Variants in MTOR observed in about 807,000 individuals in gnomAD.
The protein encoded by MTOR is mechanistic target of rapamycin kinase, also known as serine/threonine-protein kinase mTOR.
MTOR carries 70 observed loss-of-function variants against 319.8 expected under a neutral mutation model. That is an observed-to-expected ratio of 0.22 (90% CI 0.18 to 0.27). The LOEUF (loss-of-function observed/expected upper bound fraction) is 0.27. Among genes scored for constraint, MTOR ranks in the 10% least tolerant of loss-of-function variants. The probability of loss-of-function intolerance (pLI) is 1.00; values close to 1 mark genes in which losing one functional copy is unlikely to be tolerated. For missense variants in MTOR, 1,890 were observed against 3,274.4 expected, an observed-to-expected ratio of 0.58 and a Z score of 10.32; for synonymous variants, 1,183 against 1,211.4, an observed-to-expected ratio of 0.98 and a Z score of 0.49.
At chr1:11,241,472 T>A in intron 10 of MTOR, 81 bp downstream of exon 10, 2 of 1,498,680 alleles carry the variant, frequency 1.3e-6, no homozygotes, top group Non-Finnish European at 1.8e-6. Flanking sequence ...CAAACAACCA[T>A]GCCTCATTCT....
chr1:11,232,869 C>T, intron 15 of MTOR: 1 of 529,192 alleles, frequency 1.9e-6, no homozygotes, highest in Non-Finnish European at 3.3e-6. Context: ...GAAACTGTCT[C>T]AAAAACAAAT....
chr1:11,247,986 T>C lies in MTOR; in HGVS notation c.949A>G (p.Thr317Ala). ...TGGGGCTGTACAGCCTGGAAACTGG[T>C]GAAGGGGGTAATGTGACGAGGTTTT... ...GTKPRHITPF[T>A]SFQAVQPQQS... The change falls in exon 7 of 58, where the codon ACC (threonine) becomes GCC (alanine). Residue 317 changes from threonine to alanine, a missense_variant. Thr to Ala is a moderately conservative substitution (Grantham distance 58). This residue lies in a region of MTOR where 418 missense variants were observed against 543.1 expected (regional missense o/e 0.77). Coordinates refer to ENST00000361445, the MANE Select transcript of MTOR (RefSeq NM_004958.4). 6.2e-7 allele frequency: 1 copy of C among 1,614,018 alleles called. No homozygotes were observed. Among genetic ancestry groups the C allele is most frequent in the Non-Finnish European group, 8.5e-7 (1 of 1,179,994 alleles).
intron 26 of MTOR, among the ~76,000 whole-genome samples, chr1:11,200,213 C>G (rs1313999032): frequency 6.6e-6 from 1 of 152,116 alleles, no homozygotes; most frequent in African/African-American, 2.4e-5. Flanking sequence ...GTTTCTGGGA[C>G]AATGTCTAAA....
chr1:11,129,024 G>C lies in MTOR; in HGVS notation c.5715-73C>G. On this transcript the variant is annotated intron_variant, in intron 40 of 57. Coordinates refer to ENST00000361445, the MANE Select transcript of MTOR (RefSeq NM_004958.4). The surrounding 1 kb of genome is among the most constrained non-coding windows in gnomAD (Gnocchi z 4.7). ...TGCCTGCCTGTTTTTCATCTCTAAG[G>C]CTCCTGAGAAGAGAGCTGGCAGGGA... The C allele has an allele frequency of 7.8e-7, 1 of 1,288,204 alleles. No individual in the cohort carries two copies. Among genetic ancestry groups the C allele is most frequent in the Non-Finnish European group, 1.1e-6 (1 of 907,808 alleles). 79.8% of individuals were successfully genotyped at this position (1,288,204 alleles called of 1,614,324 possible).
At chr1:11,251,767 C>T (rs1387843674) in intron 6 of MTOR, among the ~76,000 whole-genome samples, 2 of 149,616 alleles carry the variant, frequency 1.3e-5, no homozygotes, top group Admixed American at 6.7e-5. Context: ...GATTGGATTA[C>T]AGGCATGAGC....
intron 13 of MTOR, among the ~76,000 whole-genome samples, chr1:11,235,235 A>C (rs1196885485): frequency 6.6e-6 from 1 of 152,202 alleles, no homozygotes; most frequent in African/African-American, 2.4e-5. Context: ...GGGCCAATCC[A>C]AAGAACCCCA....
intron 29 of MTOR, among the ~76,000 whole-genome samples, chr1:11,161,386 G>A (rs543546944): frequency 2.0e-5 from 3 of 152,358 alleles, no homozygotes; most frequent in Non-Finnish European, 2.9e-5. Flanking sequence ...AAAGGCAGCA[G>A]AAACTGCTGC....
At position 11,249,310 on chromosome 1, in the gene MTOR, C is replaced by T. The variant is rs375544232; in HGVS notation, c.841-1216G>A. ...GATACAAGTTTTCCAAACTTCTAAA[C>T]TTTTCTTGACACACATATTTTCACT... is the stretch of plus-strand genomic sequence containing the variant. On this transcript the variant is annotated intron_variant, in intron 6 of 57. Transcript: ENST00000361445. 6.5e-4 allele frequency among the ~76,000 whole-genome samples: 99 copies of T among 152,158 alleles called. 1 individual carries two copies. In the South Asian group the frequency reaches 0.02, roughly 31 times the overall value.
chr1:11,184,866 C>T (rs1208282657), intron 28 of MTOR, among the ~76,000 whole-genome samples: 6 of 152,170 alleles, frequency 3.9e-5, no homozygotes, highest in African/African-American at 1.2e-4. Flanking sequence ...GGATCAGTCC[C>T]GCTCCTCACC....
At chr1:11,235,610 C>T (rs1266073340) in intron 13 of MTOR, among the ~76,000 whole-genome samples, 1 of 152,102 alleles carries the variant, frequency 6.6e-6, no homozygotes, top group African/African-American at 2.4e-5. Flanking sequence ...AAATTCAGTA[C>T]ATAAATTCAT....
chr1:11,229,391 C>T (rs2100859671), intron 18 of MTOR, among the ~76,000 whole-genome samples: 2 of 152,266 alleles, frequency 1.3e-5, no homozygotes, highest in South Asian at 2.1e-4. Flanking sequence ...AGGACTCTGA[C>T]GGTGGCAGCG....
chr1:11,237,375 G>C (rs540789178), intron 13 of MTOR, among the ~76,000 whole-genome samples: 1 of 152,262 alleles, frequency 6.6e-6, no homozygotes, highest in South Asian at 2.1e-4. Flanking sequence ...CAGGATCACA[G>C]ACTGGAGCAA....
intron 29 of MTOR, among the ~76,000 whole-genome samples, chr1:11,158,958 C>T (rs1644395095): frequency 6.6e-6 from 1 of 152,348 alleles, no homozygotes; most frequent in East Asian, 1.9e-4. Context: ...AAACCATTGT[C>T]AAGCTTAATA....
intron 50 of MTOR, 129 bp downstream of exon 50, chr1:11,116,875 G>C: frequency 1.4e-6 from 1 of 697,372 alleles, no homozygotes; most frequent in Non-Finnish European, 2.5e-6. Flanking sequence ...TTGTAAAAGA[G>C]ACCTTACATA....
Position 11,212,785 on chromosome 1 carries a change from G to A in MTOR, c.3398+11C>T. ...CTTAAAGATTGCTAGTCCCAAAGAGGAGGTGCTCACTTTCGAGATGGCAGT... is the reference window on the plus strand; with the variant it reads ...CTTAAAGATTGCTAGTCCCAAAGAGAAGGTGCTCACTTTCGAGATGGCAGT... On this transcript the variant is annotated intron_variant, in intron 22 of 57. Coordinates refer to ENST00000361445, the MANE Select transcript of MTOR (RefSeq NM_004958.4). The surrounding 1 kb of genome is among the most constrained non-coding windows in gnomAD (Gnocchi z 4.1). 1 of 1,592,166 alleles carries A rather than the reference G, an allele frequency of 6.3e-7. No individual in the cohort carries two copies. Among genetic ancestry groups the A allele is most frequent in the South Asian group, 1.1e-5 (1 of 90,552 alleles).
chr1:11,223,822 T>C (rs1014175656), intron 19 of MTOR, among the ~76,000 whole-genome samples: 1 of 151,990 alleles, frequency 6.6e-6, no homozygotes, highest in Non-Finnish European at 1.5e-5. Flanking sequence ...GGTGGATCAC[T>C]TGTGGTCAGG....
chr1:11,141,987 C>A (rs778358144), intron 34 of MTOR, among the ~76,000 whole-genome samples: 1 of 150,370 alleles, frequency 6.7e-6, no homozygotes, highest in African/African-American at 2.4e-5. Flanking sequence ...GGGGACTCAG[C>A]GAGACTCCGT....
At chr1:11,255,402 A>AG (rs1183059756) in intron 5 of MTOR, among the ~76,000 whole-genome samples, 6 of 150,184 alleles carry the variant, frequency 4.0e-5, no homozygotes, top group African/African-American at 1.5e-4. Flanking sequence ...AAAAAAAAAA[A>AG]AAAAAAAGAA....
intron 6 of MTOR, among the ~76,000 whole-genome samples, chr1:11,251,529 T>G (rs1259105577): frequency 6.6e-6 from 1 of 152,242 alleles, no homozygotes; most frequent in Non-Finnish European, 1.5e-5. Flanking sequence ...GAATCTATTT[T>G]GTTCACTGCT....
Sources: gnomAD v4.1 joint callset for allele counts (sites outside exome capture counted in the v4.1 genomes callset) on GRCh38, gnomAD v4.1.1 for gene constraint, gnomAD v4.1.1 regional missense constraint, Gnocchi (gnomAD v3.1) non-coding constraint, MANE v1.5 for transcripts, NCBI Gene and HGNC (gene_info 2026-07-23, HGNC 2026-07-21) for gene names.